Variants in SLC11A2 observed in about 807,000 individuals in gnomAD.
The protein encoded by SLC11A2 is solute carrier family 11 member 2.
SLC11A2 carries 38 observed loss-of-function variants against 68.0 expected under a neutral mutation model. The observed-to-expected ratio is 0.56, with a 90% CI of 0.43 to 0.73. The LOEUF (loss-of-function observed/expected upper bound fraction) is 0.73. Among genes scored for constraint, SLC11A2 ranks in the 30% least tolerant of loss-of-function variants. The probability of loss-of-function intolerance (pLI) is 0.00; values close to 1 mark genes in which losing one functional copy is unlikely to be tolerated. For synonymous variants in SLC11A2, 242 were observed against 250.6 expected (o/e 0.97, Z 0.32); for missense variants, 517 against 690.5 (o/e 0.75, Z 2.82).
At chr12:50,960,765 C>G in the SLC11A2 span, among the ~76,000 whole-genome samples, 1 of 152,066 alleles carries the variant, frequency 6.6e-6, no homozygotes, top group Non-Finnish European at 1.5e-5. Flanking sequence ...TCACTGAAGC[C>G]CTGAACTCCT....
rs1299645587 is a variant in SLC11A2 at position 50,986,663 on chromosome 12, T to C, written c.*1662A>G. ...CCAATATCTTCACAGAGTGCCTTTA[T>C]GACCAGTTTGGAGAATTACGATGGT... On this transcript the variant is annotated 3_prime_UTR_variant, in exon 16 of 16. Coordinates refer to ENST00000262052, the MANE Select transcript of SLC11A2 (RefSeq NM_000617.3). The C allele has an allele frequency of 1.3e-5, 17 of 1,286,694 alleles. No homozygotes were observed. The highest frequency in any genetic ancestry group is 1.7e-5 in the Non-Finnish European group (17 of 988,436). The allele number at this position is 1,286,694 out of a possible 1,614,324, so 79.7% of individuals were successfully genotyped here. A position where few individuals can be genotyped will look rare whatever the true frequency, so the allele number is the denominator to read the frequency against.
the SLC11A2 span, among the ~76,000 whole-genome samples, chr12:50,956,237 C>G: frequency 6.6e-6 from 1 of 152,038 alleles, no homozygotes; most frequent in Non-Finnish European, 1.5e-5. Flanking sequence ...ACTAAAAATA[C>G]AAAAATTAGC....
At chr12:50,968,660 G>A in the SLC11A2 span, among the ~76,000 whole-genome samples, 1 of 151,978 alleles carries the variant, frequency 6.6e-6, no homozygotes, top group Admixed American at 6.6e-5. Flanking sequence ...TCCTCACTTT[G>A]CCTCCTGAGT....
intron 11 of SLC11A2, among the ~76,000 whole-genome samples, chr12:50,993,655 C>T (rs2554856): frequency 0.53 from 79,500 of 151,400 alleles, 21,807 homozygotes; most frequent in Admixed American, 0.63. Context: ...TGGAGAGACC[C>T]CCATCTCTAC....
chr12:50,969,309 GTAAA>G, the SLC11A2 span, among the ~76,000 whole-genome samples: 22,995 of 151,466 alleles, frequency 0.15, 1,905 homozygotes, highest in South Asian at 0.26. Context: ...AATAAAATAA[GTAAA>G]TAAATAAATC....
intron 14 of SLC11A2, among the ~76,000 whole-genome samples, 191 bp from the exon 15 acceptor site, chr12:50,991,139 G>A (rs1342246899): frequency 6.6e-6 from 1 of 152,118 alleles, no homozygotes; most frequent in South Asian, 2.1e-4. Flanking sequence ...GGAGAAAGAG[G>A]GGGGAAAAGA....
Position 51,018,819 on chromosome 12 carries a change from T to C in SLC11A2, c.-39+7491A>G, listed in dbSNP as rs148308141. Among the ~76,000 whole-genome samples the C allele has an allele frequency of 2.0e-5, 3 of 152,334 alleles. No individual in the cohort carries two copies. In the East Asian group the frequency reaches 5.8e-4, roughly 29 times the overall value. The stretch of plus-strand genomic sequence containing the variant: ...TTGGGTTTGAAATAATTCGTTTTCA[T>C]ATAAAATTCCCCTATAGAGAATAAA... On this transcript the variant is annotated intron_variant, in intron 1 of 15. Coordinates refer to ENST00000262052, the MANE Select transcript of SLC11A2 (RefSeq NM_000617.3).
downstream of SLC11A2, among the ~76,000 whole-genome samples, chr12:50,975,668 GA>G (rs917439965): frequency 6.6e-6 from 1 of 151,738 alleles, no homozygotes; most frequent in Non-Finnish European, 1.5e-5. Context: ...GATAGAGACA[GA>G]AAAAACCCTT....
intron 5 of SLC11A2, among the ~76,000 whole-genome samples, chr12:51,002,119 G>T (rs1476535442): frequency 6.6e-6 from 1 of 152,118 alleles, no homozygotes; most frequent in East Asian, 1.9e-4. Flanking sequence ...AGGCAGAGGT[G>T]GGAGGATTAC....
At position 50,986,579 on chromosome 12, in the gene SLC11A2, T is replaced by C. The variant is rs1940580547; in HGVS notation, c.*1746A>G. The stretch of plus-strand genomic sequence containing the variant: ...ATATCATCTTTATAAAGAATTTTTT[T>C]TTTGTCGTCAGTTTGGCCTTTCCTA... On this transcript the variant is annotated 3_prime_UTR_variant, in exon 16 of 16. Coordinates refer to ENST00000262052, the MANE Select transcript of SLC11A2 (RefSeq NM_000617.3). 7.8e-7 allele frequency: 1 copy of C among 1,287,062 alleles called. No individual in the cohort carries two copies. Among genetic ancestry groups the C allele is most frequent in the Non-Finnish European group, 1.0e-6 (1 of 988,662 alleles). 79.7% of individuals were successfully genotyped at this position (1,287,062 alleles called of 1,614,324 possible). A position where few individuals can be genotyped will look rare whatever the true frequency, so the allele number is the denominator to read the frequency against.
At chr12:50,965,963 A>G in the SLC11A2 span, among the ~76,000 whole-genome samples, 1 of 152,190 alleles carries the variant, frequency 6.6e-6, no homozygotes, top group African/African-American at 2.4e-5. Flanking sequence ...GATTCAAGTT[A>G]GACTTTTGTT....
downstream of SLC11A2, among the ~76,000 whole-genome samples, chr12:50,979,079 T>TC (rs1939894676): frequency 3.3e-5 from 5 of 152,328 alleles, no homozygotes; most frequent in South Asian, 1.0e-3. Flanking sequence ...GTGAATGCAC[T>TC]CAGGTTATTC....
upstream of SLC11A2, among the ~76,000 whole-genome samples, chr12:51,026,741 G>A (rs1592475812): frequency 6.6e-6 from 1 of 152,116 alleles, no homozygotes; most frequent in Non-Finnish European, 1.5e-5. Context: ...CCTGTAAAGG[G>A]TAGCCAGGCC....
chr12:50,971,875 G>T, the SLC11A2 span, among the ~76,000 whole-genome samples: 910 of 152,280 alleles, frequency 6.0e-3, 40 homozygotes, highest in East Asian at 0.11. Flanking sequence ...CTGCATTCTG[G>T]ATATTAACCT....
downstream of SLC11A2, chr12:50,981,016 A>G (rs979967675): frequency 6.6e-5 from 10 of 152,228 alleles, no homozygotes; most frequent in African/African-American, 2.4e-4. Context: ...CAATGCCTTC[A>G]TATCTGTTTA....
intron 1 of SLC11A2, among the ~76,000 whole-genome samples, chr12:51,012,431 G>A (rs1038282408): frequency 6.6e-6 from 1 of 152,172 alleles, no homozygotes; most frequent in Non-Finnish European, 1.5e-5. Flanking sequence ...AGTATTCATT[G>A]ATAAGCCCCT....
chr12:50,977,146 T>C (rs1358180053), downstream of SLC11A2, among the ~76,000 whole-genome samples: 1 of 152,198 alleles, frequency 6.6e-6, no homozygotes, highest in East Asian at 1.9e-4. Context: ...GAAAAACTAC[T>C]TTAAAGTTCA....
chr12:51,016,847 CAAAAAAAAAAAA>C (rs34208777), intron 1 of SLC11A2, among the ~76,000 whole-genome samples: 4 of 60,766 alleles, frequency 6.6e-5, no homozygotes, highest in Non-Finnish European at 1.3e-4. Context: ...AACTCTGTCT[CAAAAAAAAAAAA>C]AAAAAAAAAA....
At chr12:51,002,554 G>T (rs953542946) in intron 5 of SLC11A2, among the ~76,000 whole-genome samples, 2 of 149,782 alleles carry the variant, frequency 1.3e-5, no homozygotes, top group Admixed American at 6.7e-5. Context: ...CAGGAGAATC[G>T]CTTGAACCTG....
Sources: gnomAD v4.1 joint callset for allele counts (sites outside exome capture counted in the v4.1 genomes callset) on GRCh38, gnomAD v4.1.1 for gene constraint, MANE v1.5 for transcripts, NCBI Gene and HGNC (gene_info 2026-07-23, HGNC 2026-07-21) for gene names.